Variants in DNAJC10 observed in about 807,000 individuals in gnomAD.
DNAJC10 encodes the protein DnaJ heat shock protein family (Hsp40) member C10.
In DNAJC10, 101 loss-of-function variants were observed where a neutral mutation model predicts 115.0. The ratio of observed to expected loss-of-function variants is 0.88; its 90% CI spans 0.75 to 1.04. The LOEUF (loss-of-function observed/expected upper bound fraction) is 1.04, where lower values mean the gene tolerates loss of function less well. DNAJC10 is among the 50% of genes least tolerant of loss of function. The pLI, the probability that DNAJC10 is intolerant of heterozygous loss-of-function variation, is 0.00. For synonymous variants in DNAJC10, 307 were observed against 301.5 expected (o/e 1.02, Z -0.19); for missense variants, 981 against 928.8 (o/e 1.06, Z -0.73).
At chr2:182,760,967 G>A (rs1342383505) in intron 21 of DNAJC10, among the ~76,000 whole-genome samples, 2 of 151,800 alleles carry the variant, frequency 1.3e-5, no homozygotes, top group African/African-American at 4.8e-5. Flanking sequence ...ACTTTGTAAT[G>A]CAACTCTATA....
rs1423818121 is a variant in DNAJC10 at position 182,787,206 on chromosome 2, A to ATAGGCGT, written c.*10077_*10083dup. The ATAGGCGT allele has an allele frequency of 6.6e-6, 1 of 152,260 alleles. No individual in the cohort carries two copies. The highest frequency in any genetic ancestry group is 1.5e-5 in the Non-Finnish European group (1 of 68,074). 9.4% of individuals were successfully genotyped at this position (152,260 alleles called of 1,614,324 possible). A position where few individuals can be genotyped will look rare whatever the true frequency, so the allele number is the denominator to read the frequency against. On this transcript the variant is annotated 3_prime_UTR_variant, in exon 24 of 24. Transcript: ENST00000264065. ...ATGCCAGAGGAGCTGGTCCACAGTCATAGGCGTTAAACTTCTTTTGGAAAC... is the reference window on the plus strand; with the variant it reads ...ATGCCAGAGGAGCTGGTCCACAGTCATAGGCGTTAGGCGTTAAACTTCTTTTGGAAAC...
chr2:182,779,787 A>T lies in DNAJC10; in HGVS notation c.*2655A>T, dbSNP rs1406756117. On this transcript the variant is annotated 3_prime_UTR_variant, in exon 24 of 24. Transcript: ENST00000264065. ...CAGTGCTCAAAGTGGGAATTTTTTT[A>T]GAAGTACGGTTATCAAAAAAACACA... is the stretch of plus-strand genomic sequence containing the variant. 1 of 152,184 alleles carries T rather than the reference A, an allele frequency of 6.6e-6. No individual in the cohort carries two copies. The highest frequency in any genetic ancestry group is 1.5e-5 in the Non-Finnish European group (1 of 68,030). 9.4% of individuals were successfully genotyped at this position (152,184 alleles called of 1,614,324 possible).
intron 22 of DNAJC10, among the ~76,000 whole-genome samples, chr2:182,774,524 C>T (rs964534317): frequency 1.4e-4 from 22 of 152,182 alleles, no homozygotes; most frequent in Non-Finnish European, 2.8e-4. Context: ...CATCCCTTTC[C>T]ACTTTGTTTA....
Position 182,727,055 on chromosome 2 carries a change from T to C in DNAJC10, c.419-1521T>C, listed in dbSNP as rs1693305736. ...ATTAAGGTATGTACATTGTTTTGTT[T>C]GTTTTTTTTTTTTAGACATAATGCT... On this transcript the variant is annotated intron_variant, in intron 5 of 23. Transcript: ENST00000264065. 6.1e-5 allele frequency among the ~76,000 whole-genome samples: 5 copies of C among 82,614 alleles called. 1 individual carries two copies. In the South Asian group the frequency reaches 1.3e-3, roughly 22 times the overall value. The allele number at this position is 82,614 out of a possible 152,430, so 54.2% of individuals were successfully genotyped here.
In DNAJC10 at chr2:182,765,347, T is replaced by A. The variant is rs539258230; in HGVS notation, c.2265+2546T>A. On this transcript the variant is annotated intron_variant, in intron 22 of 23. Coordinates refer to ENST00000264065, the MANE Select transcript of DNAJC10 (RefSeq NM_018981.4). ...CTATCAACCTCCTGTCCCAAAAGTA[T>A]CATTGGATGACAAAGGCAGGTCAGC... 1.5e-3 allele frequency among the ~76,000 whole-genome samples: 234 copies of A among 152,232 alleles called. 1 individual carries two copies. The highest frequency in any genetic ancestry group is 5.4e-3 in the African/African-American group (224 of 41,538).
At chr2:182,750,422 T>G (rs1295573148) in intron 14 of DNAJC10, among the ~76,000 whole-genome samples, 1 of 152,178 alleles carries the variant, frequency 6.6e-6, no homozygotes, top group Non-Finnish European at 1.5e-5. Flanking sequence ...TGGGGAATTA[T>G]ATTTAGGCAC....
intron 14 of DNAJC10, among the ~76,000 whole-genome samples, chr2:182,744,456 A>G (rs765031744): frequency 3.9e-5 from 6 of 152,220 alleles, no homozygotes; most frequent in Non-Finnish European, 2.9e-5. Flanking sequence ...GTCATTGTAT[A>G]TTAATGACAA....
chr2:182,750,602 G>T (rs1693990436), intron 14 of DNAJC10, among the ~76,000 whole-genome samples: 1 of 152,050 alleles, frequency 6.6e-6, no homozygotes, highest in Non-Finnish European at 1.5e-5. Context: ...ATCAGAGAGT[G>T]TACTTAAAAA....
At chr2:182,731,236 T>G (rs1244688626) in intron 9 of DNAJC10, 129 bp downstream of exon 9, 2 of 605,706 alleles carry the variant, frequency 3.3e-6, no homozygotes, top group Non-Finnish European at 5.7e-6. Flanking sequence ...GATTACAATT[T>G]TTTTACTTAA....
chr2:182,761,118 T>C (rs1694275458), intron 21 of DNAJC10, among the ~76,000 whole-genome samples: 1 of 152,046 alleles, frequency 6.6e-6, no homozygotes, highest in Non-Finnish European at 1.5e-5. Flanking sequence ...AGAAAGAAAT[T>C]CCATGTCTTT....
chr2:182,760,374 A>G (rs967516096), intron 21 of DNAJC10, among the ~76,000 whole-genome samples: 21 of 152,190 alleles, frequency 1.4e-4, no homozygotes, highest in Non-Finnish European at 2.9e-4. Context: ...TTTGACCAGA[A>G]ATAAAAGGAG....
At chr2:182,756,851 C>A (rs1694170342) in intron 18 of DNAJC10, among the ~76,000 whole-genome samples, 1 of 152,130 alleles carries the variant, frequency 6.6e-6, no homozygotes, top group African/African-American at 2.4e-5. Context: ...GTTGGCCAGG[C>A]TGGTCTTGAA....
rs1361407425 is a variant in DNAJC10, at chr2:182,787,270, C to G, written c.*10138C>G. On this transcript the variant is annotated 3_prime_UTR_variant, in exon 24 of 24. Transcript: ENST00000264065. ...CAGTCTCCCCATACTGATTCAGACT[C>G]CAGCAAGGTGCACATCACCCGCTAG... 1.3e-5 allele frequency: 2 copies of G among 152,178 alleles called. No homozygotes were observed. The highest frequency in any genetic ancestry group is 2.9e-5 in the Non-Finnish European group (2 of 68,050). The allele number at this position is 152,178 out of a possible 1,614,324, so 9.4% of individuals were successfully genotyped here. A position where few individuals can be genotyped will look rare whatever the true frequency, so the allele number is the denominator to read the frequency against.
At chr2:182,753,861 C>T (rs1445557920) in intron 16 of DNAJC10, among the ~76,000 whole-genome samples, 4 of 152,110 alleles carry the variant, frequency 2.6e-5, no homozygotes, top group Non-Finnish European at 5.9e-5. Flanking sequence ...GGATTACAGG[C>T]ATGAGCCACT....
At chr2:182,741,617 G>T (rs1389141638) in intron 13 of DNAJC10, among the ~76,000 whole-genome samples, 1 of 151,936 alleles carries the variant, frequency 6.6e-6, no homozygotes, top group Non-Finnish European at 1.5e-5. Context: ...ACTGTAGGAG[G>T]TTATCTTTCC....
chr2:182,772,080 C>T (rs997474473), intron 22 of DNAJC10, among the ~76,000 whole-genome samples: 1 of 152,132 alleles, frequency 6.6e-6, no homozygotes, highest in Non-Finnish European at 1.5e-5. Context: ...GTTATTTACC[C>T]AGTAGTCATT....
chr2:182,733,469 T>G (rs1056140986), intron 10 of DNAJC10, among the ~76,000 whole-genome samples: 4 of 151,886 alleles, frequency 2.6e-5, no homozygotes, highest in Admixed American at 2.6e-4. Flanking sequence ...CCAGACCAAT[T>G]AAATCAAAAT....
intron 22 of DNAJC10, 79 bp downstream of exon 22, chr2:182,762,880 T>C (rs1694320476): frequency 6.9e-7 from 1 of 1,450,584 alleles, no homozygotes; most frequent in East Asian, 2.3e-5. Flanking sequence ...TAATGTTTTT[T>C]TTCTGTTTTC....
intron 14 of DNAJC10, among the ~76,000 whole-genome samples, chr2:182,748,198 G>T (rs1168510107): frequency 4.7e-5 from 7 of 150,222 alleles, no homozygotes; most frequent in African/African-American, 1.2e-4. Flanking sequence ...TCTCTTTTTT[G>T]GTTGTGTCTC....
Sources: allele counts gnomAD v4.1 joint callset (sites outside exome capture counted in the v4.1 genomes callset), GRCh38; gene constraint gnomAD v4.1.1; transcripts MANE v1.5; gene names NCBI Gene and HGNC (gene_info 2026-07-23, HGNC 2026-07-21).